The following PTPRD variants were observed in gnomAD, a reference collection of about 807,000 sequenced individuals.
PTPRD encodes the protein protein tyrosine phosphatase receptor type D.
A neutral mutation model predicts 214.5 loss-of-function variants in PTPRD; 34 were observed. That is an observed-to-expected ratio of 0.16 (90% CI 0.12 to 0.21). PTPRD has a LOEUF of 0.21. PTPRD is among the 10% of genes least tolerant of loss of function. The pLI is 1.00. For synonymous variants in PTPRD, 1,128 were observed against 845.7 expected (o/e 1.33, Z -5.79); for missense variants, 2,545 against 2,398.7 (o/e 1.06, Z -1.27).
At chr9:8,627,526 T>C (rs2154309518) in intron 14 of PTPRD, among the ~76,000 whole-genome samples, 1 of 152,002 alleles carries the variant, frequency 6.6e-6, no homozygotes, top group South Asian at 2.1e-4. Flanking sequence ...AATATTTTAA[T>C]ATGAAGTCAA....
intron 10 of PTPRD, among the ~76,000 whole-genome samples, chr9:9,122,803 G>C (rs965433692): frequency 1.3e-5 from 2 of 151,970 alleles, no homozygotes; most frequent in African/African-American, 4.8e-5. Context: ...GCAAGGGTAT[G>C]AACAATTCTG....
chr9:10,245,108 A>G (rs980821356), intron 3 of PTPRD, among the ~76,000 whole-genome samples: 1 of 152,174 alleles, frequency 6.6e-6, no homozygotes, highest in Non-Finnish European at 1.5e-5. Context: ...TATTATTGAC[A>G]GACATTTTAC....
At chr9:8,929,780 G>T (rs62529105) in intron 11 of PTPRD, among the ~76,000 whole-genome samples, 53,149 of 80,732 alleles carry the variant, frequency 0.66, 20,067 homozygotes, top group Non-Finnish European at 0.76. Context: ...TATATATATG[G>T]GTGTGTATAT....
At chr9:10,147,939 T>C (rs546638474) in intron 3 of PTPRD, among the ~76,000 whole-genome samples, 2 of 152,282 alleles carry the variant, frequency 1.3e-5, no homozygotes, top group African/African-American at 4.8e-5. Flanking sequence ...GTGAATATTG[T>C]GGTAGCAAGG....
At chr9:8,721,674 G>A (rs187966784) in intron 12 of PTPRD, among the ~76,000 whole-genome samples, 2 of 152,098 alleles carry the variant, frequency 1.3e-5, no homozygotes, top group South Asian at 2.1e-4. Context: ...TGTCTTTACA[G>A]CAATCCTATA....
intron 2 of PTPRD, among the ~76,000 whole-genome samples, chr9:10,424,677 C>T (rs1389214553): frequency 6.6e-6 from 1 of 151,862 alleles, no homozygotes; most frequent in Non-Finnish European, 1.5e-5. Flanking sequence ...TTTGGAAACC[C>T]AGAGTCACCG....
chr9:9,163,340 T>A (rs946645517), intron 10 of PTPRD, among the ~76,000 whole-genome samples: 1 of 152,146 alleles, frequency 6.6e-6, no homozygotes, highest in Admixed American at 6.6e-5. Context: ...GATCTCCTTA[T>A]CTTTCTTCCA....
intron 8 of PTPRD, among the ~76,000 whole-genome samples, chr9:9,478,602 T>G (rs4742602): frequency 1.3e-5 from 2 of 152,070 alleles, no homozygotes; most frequent in East Asian, 3.9e-4. Context: ...TATTTCCTAC[T>G]GTCCTGCATC....
chr9:8,752,587 C>A (rs1191375983), intron 11 of PTPRD, among the ~76,000 whole-genome samples: 1 of 152,174 alleles, frequency 6.6e-6, no homozygotes, highest in Non-Finnish European at 1.5e-5. Context: ...GTGCGAGACT[C>A]AAGAACCCTC....
intron 34 of PTPRD, among the ~76,000 whole-genome samples, chr9:8,444,119 A>T (rs1049341864): frequency 1.3e-5 from 2 of 152,150 alleles, no homozygotes; most frequent in African/African-American, 4.8e-5. Flanking sequence ...GACATGCAGA[A>T]ATAGCAATGA....
intron 2 of PTPRD, among the ~76,000 whole-genome samples, chr9:10,384,134 T>C (rs1252866144): frequency 6.6e-6 from 1 of 150,720 alleles, no homozygotes; most frequent in Non-Finnish European, 1.5e-5. Flanking sequence ...GTGACTATAG[T>C]CAATAATAAT....
intron 3 of PTPRD, among the ~76,000 whole-genome samples, chr9:10,234,331 C>A (rs1028473228): frequency 6.6e-6 from 1 of 151,788 alleles, no homozygotes; most frequent in African/African-American, 2.4e-5. Flanking sequence ...CAGAGATCTG[C>A]GGAACACATA....
intron 45 of PTPRD, 22 bp downstream of exon 45, chr9:8,319,809 A>G (rs1402795995): frequency 6.2e-7 from 1 of 1,611,370 alleles, no homozygotes; most frequent in African/African-American, 1.3e-5. Context: ...TGAGATGCGA[A>G]AAATGCAATG....
At chr9:8,689,663 T>C (rs1223556061) in intron 12 of PTPRD, among the ~76,000 whole-genome samples, 2 of 152,090 alleles carry the variant, frequency 1.3e-5, no homozygotes, top group Admixed American at 6.6e-5. Context: ...ACATGGGAAT[T>C]ATAGGAGTAC....
At chr9:8,949,223 C>CAAA (rs1266773995) in intron 11 of PTPRD, among the ~76,000 whole-genome samples, 2 of 54,732 alleles carry the variant, frequency 3.7e-5, no homozygotes, top group African/African-American at 1.1e-4. Context: ...GACTCCATCT[C>CAAA]AAAAAAAGAA....
intron 14 of PTPRD, among the ~76,000 whole-genome samples, chr9:8,604,552 A>G (rs747705487): frequency 8.5e-5 from 13 of 152,188 alleles, no homozygotes; most frequent in Non-Finnish European, 1.6e-4. Flanking sequence ...GTTTTCTCCT[A>G]TAGCCACTGG....
At chr9:9,454,698 T>A (rs1160220164) in intron 8 of PTPRD, among the ~76,000 whole-genome samples, 2 of 151,736 alleles carry the variant, frequency 1.3e-5, no homozygotes, top group Non-Finnish European at 3.0e-5. Flanking sequence ...ACTGTGTATA[T>A]TTGTATAGCT....
intron 11 of PTPRD, among the ~76,000 whole-genome samples, chr9:8,934,430 TATATAA>T (rs1409097572): frequency 0.2 from 13,301 of 66,346 alleles, 2,174 homozygotes; most frequent in Middle Eastern, 0.33. Context: ...TGTATATATA[TATATAA>T]ATATATATAT....
intron 31 of PTPRD, among the ~76,000 whole-genome samples, chr9:8,470,642 T>C (rs1264008122): frequency 6.6e-6 from 1 of 152,130 alleles, no homozygotes; most frequent in Non-Finnish European, 1.5e-5. Context: ...GTTGCACTAA[T>C]GAAGGGGACC....
Sources: allele counts gnomAD v4.1 joint callset (sites outside exome capture counted in the v4.1 genomes callset), GRCh38; gene constraint gnomAD v4.1.1; transcripts MANE v1.5; gene names NCBI Gene and HGNC (gene_info 2026-07-23, HGNC 2026-07-21).